The following RGS3 variants were observed in gnomAD, a reference collection of about 807,000 sequenced individuals.
RGS3 encodes the protein regulator of G-protein signalling 3.
Under a neutral mutation model 132.6 loss-of-function variants are expected in RGS3, and 80 were observed. The ratio of observed to expected loss-of-function variants is 0.60; its 90% CI spans 0.50 to 0.73. RGS3 has a LOEUF of 0.73. Among genes scored for constraint, RGS3 ranks in the 30% least tolerant of loss-of-function variants. The probability of loss-of-function intolerance (pLI) is 0.00; values close to 1 mark genes in which losing one functional copy is unlikely to be tolerated. For missense variants in RGS3, 1,382 were observed against 1,530.8 expected (o/e 0.90, Z 1.62); for synonymous variants, 598 against 620.6 (o/e 0.96, Z 0.54).
At chr9:113,517,192 CG>C in intron 15 of RGS3, 2 of 469,096 alleles carry the variant, frequency 4.3e-6, no homozygotes, top group Non-Finnish European at 8.2e-6. Context: ...TGGGGGATGG[CG>C]GGGGCTGGGA....
Position 113,591,859 on chromosome 9 carries a change from A to G in RGS3, c.3080+462A>G. On this transcript the variant is annotated intron_variant, in intron 21 of 24. Transcript: ENST00000350696. The surrounding 1 kb of genome is among the most constrained non-coding windows in gnomAD (Gnocchi z 4.4). Reference sequence around the variant, plus strand: ...GGGGGCGCTGCTGGCCCAGCTGCCGAATCCCGCACTCGCCAAGCCTTTCTG... The same window carrying G: ...GGGGGCGCTGCTGGCCCAGCTGCCGGATCCCGCACTCGCCAAGCCTTTCTG... The G allele has an allele frequency of 1.2e-5, 2 of 170,554 alleles. No homozygotes were observed. Among genetic ancestry groups the G allele is most frequent in the East Asian group, 1.5e-4 (1 of 6,788 alleles). The allele number at this position is 170,554 out of a possible 1,614,324, so 10.6% of individuals were successfully genotyped here. A position where few individuals can be genotyped will look rare whatever the true frequency, so the allele number is the denominator to read the frequency against.
intron 19 of RGS3, among the ~76,000 whole-genome samples, chr9:113,544,134 C>A (rs1232362982): frequency 6.6e-6 from 1 of 152,134 alleles, no homozygotes; most frequent in South Asian, 2.1e-4. Flanking sequence ...CACACAATGG[C>A]CTCTTTCCTG....
At chr9:113,589,768 G>C (rs939071364) in intron 20 of RGS3, 2 of 152,302 alleles carry the variant, frequency 1.3e-5, no homozygotes, top group Non-Finnish European at 2.9e-5. Context: ...AGGTTAGCGT[G>C]GGTGCCAGGA....
At chr9:113,546,457 T>C (rs886074053) in intron 19 of RGS3, among the ~76,000 whole-genome samples, 1 of 152,154 alleles carries the variant, frequency 6.6e-6, no homozygotes, top group Non-Finnish European at 1.5e-5. Context: ...GTCCGGTCCG[T>C]AGTAGGTGCT....
rs1564504223 is a variant in RGS3, at chr9:113,508,465, C to G, written c.1438-76C>G. 1.5e-5 allele frequency: 24 copies of G among 1,569,132 alleles called. No homozygotes were observed. The South Asian group carries it at 2.7e-4, about 17-fold the overall frequency. Reference sequence around the variant, plus strand: ...GCTCCACTTCCTCTCCCCTGGGGCCCCCGTGTCCAGCAGCCTCCTGGGCTG... The same window carrying G: ...GCTCCACTTCCTCTCCCCTGGGGCCGCCGTGTCCAGCAGCCTCCTGGGCTG... On this transcript the variant is annotated intron_variant, in intron 13 of 24. Coordinates refer to ENST00000350696, the Ensembl canonical transcript of RGS3.
chr9:113,498,226 C>A, intron 10 of RGS3, 146 bp downstream of exon 8: 1 of 686,138 alleles, frequency 1.5e-6, no homozygotes, highest in Non-Finnish European at 2.5e-6. Context: ...TCTTGATTTT[C>A]CTGAGGTGTA....
At chr9:113,485,290 C>T (rs960272121) in intron 6 of RGS3, among the ~76,000 whole-genome samples, 6 of 152,162 alleles carry the variant, frequency 3.9e-5, no homozygotes, top group Admixed American at 3.3e-4. Flanking sequence ...GGGGTTTCAC[C>T]GTGTTAGCCA....
chr9:113,540,756 C>T (rs1053570418), intron 19 of RGS3, among the ~76,000 whole-genome samples: 3 of 152,220 alleles, frequency 2.0e-5, no homozygotes, highest in Non-Finnish European at 4.4e-5. Flanking sequence ...AGTCTGGTGG[C>T]AGAGACAGAC....
Position 113,507,443 on chromosome 9 carries a change from C to T in RGS3, c.1242C>T (p.Val414=), listed in dbSNP as rs1564502186. 6.2e-7 allele frequency: 1 copy of T among 1,613,792 alleles called. No homozygotes were observed. The highest frequency in any genetic ancestry group is 1.1e-5 in the South Asian group (1 of 91,088). ...GGGAGAAGAACTGCACCCATGGGGT[C>T]CAGGCACGGCCTGAGCAGCGCCACA... The change falls in exon 13 of 25, where the codon GTC becomes GTT. Residue 414 remains valine, a synonymous_variant. Transcript: ENST00000350696. The surrounding 1 kb of genome is among the most constrained non-coding windows in gnomAD (Gnocchi z 5.0).
At chr9:113,508,505 T>C (rs1481736580) in intron 13 of RGS3, 36 bp from the exon 12 acceptor site, 1 of 1,611,758 alleles carries the variant, frequency 6.2e-7, no homozygotes, top group East Asian at 2.2e-5. Flanking sequence ...GCCCTGTTCC[T>C]GGGGCTGAGG....
At chr9:113,590,706 A>T (rs1236215378) in intron 20 of RGS3, among the ~76,000 whole-genome samples, 1 of 152,112 alleles carries the variant, frequency 6.6e-6, no homozygotes, top group Non-Finnish European at 1.5e-5. Context: ...TTGCTGAAGT[A>T]GGGGCCAGGC....
At chr9:113,577,770 C>T (rs1169718179) in intron 19 of RGS3, among the ~76,000 whole-genome samples, 5 of 152,186 alleles carry the variant, frequency 3.3e-5, no homozygotes, top group South Asian at 2.1e-4. Flanking sequence ...TTCCACAGGG[C>T]GGCCTTCCCA....
intron 10 of RGS3, among the ~76,000 whole-genome samples, chr9:113,499,299 A>T (rs2119287607): frequency 6.6e-6 from 1 of 151,532 alleles, no homozygotes; most frequent in South Asian, 2.1e-4. Context: ...AGGTGCTGTT[A>T]CCTAATCTTC....
At chr9:113,485,627 C>A in exon 7 of RGS3, 2 of 1,595,642 alleles carry the variant, frequency 1.3e-6, no homozygotes, top group Non-Finnish European at 1.7e-6. Flanking sequence ...TTTCGCAGTC[C>A]TGTCCAAGAG....
At position 113,594,533 on chromosome 9, in the gene RGS3, T is replaced by C. The variant is rs1375191481; in HGVS notation, c.3182+2T>C. The C allele has an allele frequency of 6.2e-7, 1 of 1,612,272 alleles. No homozygotes were observed. The highest frequency in any genetic ancestry group is 1.7e-5 in the Admixed American group (1 of 59,982). ...AGACAAAATGATGAAGTCATTCAAG[T>C]AGGTCCTCCCTGGCACCCTGGGACC... On this transcript the variant is annotated splice_donor_variant, in intron 22 of 24. Coordinates refer to ENST00000350696, the Ensembl canonical transcript of RGS3. LOFTEE classifies it high-confidence loss of function.
intron 21 of RGS3, chr9:113,592,483 G>T: frequency 6.6e-6 from 1 of 152,006 alleles, no homozygotes; most frequent in Non-Finnish European, 1.5e-5. Flanking sequence ...CTTTTGAATT[G>T]CCTGAAGCCC....
chr9:113,473,632 C>T (rs1829903878), intron 3 of RGS3, among the ~76,000 whole-genome samples: 2 of 152,172 alleles, frequency 1.3e-5, no homozygotes. Flanking sequence ...AGTGATCATC[C>T]TGCCTCAGCC....
intron 24 of RGS3, 72 bp from the exon 23 acceptor site, chr9:113,596,696 C>T: frequency 1.4e-6 from 2 of 1,396,362 alleles, no homozygotes; most frequent in Non-Finnish European, 1.9e-6. Context: ...GGATGGGTCC[C>T]TTCCAGGCAC....
chr9:113,463,829 C>T lies in RGS3; in HGVS notation c.415+1628C>T, dbSNP rs926106710. On this transcript the variant is annotated intron_variant, in intron 3 of 24. Coordinates refer to ENST00000350696, the Ensembl canonical transcript of RGS3. The surrounding 1 kb of genome is among the most constrained non-coding windows in gnomAD (Gnocchi z 4.6). ...TGGAGCGCTCCCTGCACCGCGTCTCCCTCGGGAGCCGGCGTGCCCACCCGG... is the reference window on the plus strand; with the variant it reads ...TGGAGCGCTCCCTGCACCGCGTCTCTCTCGGGAGCCGGCGTGCCCACCCGG... 3 of 1,612,860 alleles carry T rather than the reference C, an allele frequency of 1.9e-6. No individual in the cohort carries two copies. Among genetic ancestry groups the T allele is most frequent in the East Asian group, 2.2e-5 (1 of 44,844 alleles).
Sources: allele counts gnomAD v4.1 joint callset (sites outside exome capture counted in the v4.1 genomes callset), GRCh38; gene constraint gnomAD v4.1.1; non-coding constraint Gnocchi (gnomAD v3.1); transcripts MANE v1.5; gene names NCBI Gene and HGNC (gene_info 2026-07-23, HGNC 2026-07-21).